P2RY8: variants seen among roughly 807,000 people sequenced by gnomAD.
P2RY8 encodes P2Y receptor family member 8.
Under a neutral mutation model 10.0 loss-of-function variants are expected in P2RY8, and 6 were observed. That is an observed-to-expected ratio of 0.60 (90% CI 0.33 to 1.19). The LOEUF (loss-of-function observed/expected upper bound fraction) is 1.19, where lower values mean the gene tolerates loss of function less well. P2RY8 is among the 50% of genes most tolerant of loss of function. P2RY8 has a pLI of 0.04. For missense variants in P2RY8, 456 were observed against 542.0 expected, an observed-to-expected ratio of 0.84 and a Z score of 1.58; for synonymous variants, 276 against 252.5, an observed-to-expected ratio of 1.09 and a Z score of -0.88.
intron 1 of P2RY8, among the ~76,000 whole-genome samples, chrX:1,505,475 A>G (rs1279712081): frequency 2.0e-5 from 3 of 152,164 alleles, no homozygotes; most frequent in Admixed American, 2.0e-4. Flanking sequence ...AGACAACTGA[A>G]GATGAAGCTA....
intron 1 of P2RY8, among the ~76,000 whole-genome samples, chrX:1,519,994 A>T (rs1445542691): frequency 2.9e-5 from 4 of 139,228 alleles, no homozygotes; most frequent in African/African-American, 8.2e-5. Context: ...TCCAATTATC[A>T]CCTTGGTCCC....
chrX:1,504,294 C>T (rs1224910049), intron 1 of P2RY8, among the ~76,000 whole-genome samples: 6 of 144,424 alleles, frequency 4.2e-5, no homozygotes, highest in South Asian at 2.2e-4. Flanking sequence ...CCAGCCTGGG[C>T]AACAGACCAA....
chrX:1,504,176 C>T (rs774753391), intron 1 of P2RY8, among the ~76,000 whole-genome samples: 245 of 151,832 alleles, frequency 1.6e-3, no homozygotes, highest in African/African-American at 5.7e-3. Flanking sequence ...ATTAGCTGGG[C>T]GTAGTTGCAG....
Position 1,463,825 on chromosome X carries a change from T to G in P2RY8, c.*1654A>C, listed in dbSNP as rs1190583510. On this transcript the variant is annotated 3_prime_UTR_variant, in exon 2 of 2. Coordinates refer to ENST00000381297, the MANE Select transcript of P2RY8 (RefSeq NM_178129.5). Reference sequence around the variant, plus strand: ...TGTCTTTATGTGGCCTCCTGCTTTGTGTCTGTGTCTCCTCTTCCGTCTCTC... The same window carrying G: ...TGTCTTTATGTGGCCTCCTGCTTTGGGTCTGTGTCTCCTCTTCCGTCTCTC... 4.3e-6 allele frequency: 1 copy of G among 233,184 alleles called. No homozygotes were observed. Among genetic ancestry groups the G allele is most frequent in the Admixed American group, 5.6e-5 (1 of 17,780 alleles). 14.4% of individuals were successfully genotyped at this position (233,184 alleles called of 1,614,324 possible).
intron 1 of P2RY8, among the ~76,000 whole-genome samples, chrX:1,466,859 CTT>C (rs1185959505): frequency 4.9e-5 from 6 of 121,564 alleles, no homozygotes; most frequent in Non-Finnish European, 1.0e-4. Context: ...TCCTTCTCTT[CTT>C]CCCTCCTTCC....
intron 1 of P2RY8, among the ~76,000 whole-genome samples, chrX:1,496,020 C>A (rs769616201): frequency 6.6e-6 from 1 of 152,284 alleles, no homozygotes; most frequent in South Asian, 2.1e-4. Context: ...GGATCTCAGA[C>A]CTCCAGCCTC....
intron 1 of P2RY8, among the ~76,000 whole-genome samples, chrX:1,534,920 C>T (rs1245229191): frequency 6.6e-6 from 1 of 152,092 alleles, no homozygotes; most frequent in Admixed American, 6.6e-5. Flanking sequence ...CCACCCACCC[C>T]AAGGTTGGTC....
At chrX:1,474,343 GTGGATGGATGGA>G (rs779596494) in intron 1 of P2RY8, among the ~76,000 whole-genome samples, 3 of 121,048 alleles carry the variant, frequency 2.5e-5, no homozygotes, top group African/African-American at 2.8e-5. Context: ...GTATGGGTGT[GTGGATGGATGGA>G]TGGATGGATG....
chrX:1,534,132 A>G (rs1320393227), intron 1 of P2RY8, among the ~76,000 whole-genome samples: 1 of 130,104 alleles, frequency 7.7e-6, no homozygotes, highest in South Asian at 2.2e-4. Context: ...TTATATATTT[A>G]TATATATTTA....
intron 1 of P2RY8, among the ~76,000 whole-genome samples, chrX:1,514,551 TCTTCC>T (rs779539846): frequency 0.83 from 3,993 of 4,804 alleles, 1,693 homozygotes; most frequent in Middle Eastern, 1. Flanking sequence ...CTTTCCCTTC[TCTTCC>T]CTTCCCTTCC....
At chrX:1,484,160 G>A (rs1421991526) in intron 1 of P2RY8, among the ~76,000 whole-genome samples, 2 of 152,280 alleles carry the variant, frequency 1.3e-5, no homozygotes, top group Non-Finnish European at 2.9e-5. Flanking sequence ...ACACAAAGGA[G>A]TGTGTTTTTC....
chrX:1,534,186 A>T (rs1296375968), intron 1 of P2RY8, among the ~76,000 whole-genome samples: 25 of 138,840 alleles, frequency 1.8e-4, no homozygotes, highest in South Asian at 2.1e-4. Flanking sequence ...TTATATATTT[A>T]TATATATTTA....
chrX:1,499,958 C>A (rs5989769), intron 1 of P2RY8, among the ~76,000 whole-genome samples: 64,898 of 133,058 alleles, frequency 0.49, 19,139 homozygotes, highest in Admixed American at 0.66. Context: ...TCCCGGGTTC[C>A]CGCCATTCTC....
intron 1 of P2RY8, among the ~76,000 whole-genome samples, chrX:1,527,590 C>T (rs2092447389): frequency 6.6e-6 from 1 of 152,006 alleles, no homozygotes; most frequent in Non-Finnish European, 1.5e-5. Flanking sequence ...ACCTATCTAT[C>T]CATCTGTTCA....
rs753686207 is a variant in P2RY8 at position 1,516,205 on chromosome X, C to G, written c.-25+20716G>C. 0.011 allele frequency among the ~76,000 whole-genome samples: 250 copies of G among 22,448 alleles called. 2 individuals are homozygous for G. The South Asian group carries it at 0.2, about 18-fold the overall frequency. 14.7% of individuals were successfully genotyped at this position (22,448 alleles called of 152,430 possible). On this transcript the variant is annotated intron_variant, in intron 1 of 1. Transcript: ENST00000381297. ...AGAGTGAAACTCCACCTCAGAAAAA[C>G]AAAACAACAACAAAAAAAAAACAGG...
chrX:1,467,684 T>C (rs1318289083), intron 1 of P2RY8, among the ~76,000 whole-genome samples: 2 of 152,210 alleles, frequency 1.3e-5, no homozygotes, highest in Non-Finnish European at 1.5e-5. Context: ...CTTTTGTTTG[T>C]TTGTTTTATA....
intron 1 of P2RY8, among the ~76,000 whole-genome samples, chrX:1,512,624 C>T (rs2092307269): frequency 6.6e-6 from 1 of 151,262 alleles, no homozygotes; most frequent in Admixed American, 6.6e-5. Context: ...ACTCACAGTT[C>T]CACATGGCTA....
chrX:1,517,030 G>A (rs1347655253), intron 1 of P2RY8, among the ~76,000 whole-genome samples: 1 of 152,010 alleles, frequency 6.6e-6, no homozygotes, highest in Non-Finnish European at 1.5e-5. Flanking sequence ...ACAGATGGAC[G>A]ACTCTGTGAG....
intron 1 of P2RY8, among the ~76,000 whole-genome samples, chrX:1,499,755 G>C (rs1465617468): frequency 8.6e-5 from 13 of 152,046 alleles, no homozygotes; most frequent in Non-Finnish European, 1.3e-4. Context: ...CCCCAAAACA[G>C]AGCCGTAAGT....
Sources: gnomAD v4.1 joint callset for allele counts (sites outside exome capture counted in the v4.1 genomes callset) on GRCh38, gnomAD v4.1.1 for gene constraint, MANE v1.5 for transcripts, NCBI Gene and HGNC (gene_info 2026-07-23, HGNC 2026-07-21) for gene names.